PREX1: variants seen among roughly 807,000 people sequenced by gnomAD.
PREX1 encodes phosphatidylinositol 3,4,5-trisphosphate-dependent Rac exchanger 1 protein.
PREX1 carries 41 observed loss-of-function variants against 198.3 expected under a neutral mutation model. That is an observed-to-expected ratio of 0.21 (90% CI 0.16 to 0.27). PREX1 has a LOEUF of 0.27. PREX1 is among the 10% of genes least tolerant of loss of function. PREX1 has a pLI of 1.00. For synonymous variants in PREX1, 843 were observed against 887.2 expected (o/e 0.95, Z 0.89); for missense variants, 1,620 against 2,200.7 (o/e 0.74, Z 5.28).
At chr20:48,846,435 T>C in the PREX1 span, among the ~76,000 whole-genome samples, 1 of 152,104 alleles carries the variant, frequency 6.6e-6, no homozygotes, top group Non-Finnish European at 1.5e-5. Flanking sequence ...TATTAATAGA[T>C]GGGGATGTCC....
At chr20:48,747,145 TG>T (rs1001504692) in intron 2 of PREX1, among the ~76,000 whole-genome samples, 6 of 152,148 alleles carry the variant, frequency 3.9e-5, no homozygotes, top group African/African-American at 1.4e-4. Context: ...TCAGGGCGTT[TG>T]GGGGGAATGT....
At chr20:48,790,576 G>A (rs1287052405) in intron 1 of PREX1, among the ~76,000 whole-genome samples, 3 of 152,188 alleles carry the variant, frequency 2.0e-5, no homozygotes, top group Non-Finnish European at 4.4e-5. Flanking sequence ...TGCTCATTCT[G>A]CATGCTTCAG....
At chr20:48,652,095 T>G (rs556669548) in intron 21 of PREX1, among the ~76,000 whole-genome samples, 56 of 152,266 alleles carry the variant, frequency 3.7e-4, no homozygotes, top group African/African-American at 1.3e-3. Context: ...CTGCTGGGTT[T>G]GGGGCACTTT....
rs1330924940 is a variant in PREX1 at position 48,783,138 on chromosome 20, C to CA, written c.220-35259dup. ...ATTTGTGAAATGAAAAAGAAGGATA[C>CA]ATGCCTGATATGGTTGAATGAAGAC... On this transcript the variant is annotated intron_variant, in intron 1 of 39. Transcript: ENST00000371941. Among the ~76,000 whole-genome samples, 6 of 152,294 alleles carry CA rather than the reference C, an allele frequency of 3.9e-5. No individual in the cohort carries two copies. In the East Asian group the frequency reaches 1.2e-3, roughly 29 times the overall value.
chr20:48,634,089 T>G (rs1340834019), intron 33 of PREX1, among the ~76,000 whole-genome samples: 2 of 139,042 alleles, frequency 1.4e-5, no homozygotes, highest in African/African-American at 5.4e-5. Context: ...GATGGACGGA[T>G]GGATGGATGG....
At chr20:48,710,211 A>T (rs1040208757) in intron 5 of PREX1, among the ~76,000 whole-genome samples, 3 of 152,230 alleles carry the variant, frequency 2.0e-5, no homozygotes, top group African/African-American at 7.2e-5. Flanking sequence ...GAAGCAACAC[A>T]AAGGCAGGCA....
At chr20:48,783,111 T>A (rs2090297015) in intron 1 of PREX1, among the ~76,000 whole-genome samples, 1 of 152,178 alleles carries the variant, frequency 6.6e-6, no homozygotes, top group South Asian at 2.1e-4. Context: ...TTCAACATCC[T>A]CATTTGTGAA....
the PREX1 span, among the ~76,000 whole-genome samples, chr20:48,872,030 G>A: frequency 6.6e-6 from 1 of 151,946 alleles, no homozygotes; most frequent in African/African-American, 2.4e-5. Flanking sequence ...GTGGTGGCGG[G>A]CACCTGTAGT....
At chr20:48,714,159 T>C (rs1184321394) in intron 5 of PREX1, among the ~76,000 whole-genome samples, 1 of 152,142 alleles carries the variant, frequency 6.6e-6, no homozygotes, top group East Asian at 1.9e-4. Flanking sequence ...AGTAAACCCC[T>C]TGTGACCTTA....
intron 10 of PREX1, among the ~76,000 whole-genome samples, chr20:48,682,096 T>A (rs1438483779): frequency 6.6e-6 from 1 of 152,002 alleles, no homozygotes; most frequent in African/African-American, 2.4e-5. Flanking sequence ...CCCTGACTGA[T>A]CTCACCCCCA....
rs565111779 is a variant in PREX1, at chr20:48,658,192, C to T, written c.1918G>A (p.Glu640Lys). 18 of 1,614,200 alleles carry T rather than the reference C, an allele frequency of 1.1e-5. No homozygotes were observed. The South Asian group carries it at 1.6e-4, about 15-fold the overall frequency. ...PQEEDYGFDI[E>K]EKNKAVVVKS... Reference sequence around the variant, plus strand: ...ACCACCACAGCCTTGTTCTTCTCCTCGATGTCAAAGCCATAGTCCTCCTCC... The same window carrying T: ...ACCACCACAGCCTTGTTCTTCTCCTTGATGTCAAAGCCATAGTCCTCCTCC... Residue 640 changes from glutamate (E) to lysine (K), a missense_variant, in exon 17 of 40, where the codon GAG becomes AAG. This residue lies in a region of PREX1 where 488 missense variants were observed against 802.5 expected (regional missense o/e 0.61). Coordinates refer to ENST00000371941, the MANE Select transcript of PREX1 (RefSeq NM_020820.4).
intron 17 of PREX1, among the ~76,000 whole-genome samples, 183 bp from the exon 18 acceptor site, chr20:48,657,371 G>A (rs1006989430): frequency 2.0e-5 from 3 of 152,332 alleles, no homozygotes; most frequent in East Asian, 1.9e-4. Flanking sequence ...TCTGCCTCAT[G>A]AGCCACAAAG....
At chr20:48,806,046 G>C (rs1286556439) in intron 1 of PREX1, among the ~76,000 whole-genome samples, 1 of 152,208 alleles carries the variant, frequency 6.6e-6, no homozygotes, top group Non-Finnish European at 1.5e-5. Context: ...ATAAGGCTGT[G>C]CTAGGCACTG....
At chr20:48,874,487 G>C in the PREX1 span, among the ~76,000 whole-genome samples, 1 of 151,682 alleles carries the variant, frequency 6.6e-6, no homozygotes. Flanking sequence ...GCGGGAGTTT[G>C]GGAGACATGA....
At chr20:48,761,533 C>A (rs1052211476) in intron 1 of PREX1, among the ~76,000 whole-genome samples, 1 of 152,116 alleles carries the variant, frequency 6.6e-6, no homozygotes, top group African/African-American at 2.4e-5. Context: ...CACCCCGCCC[C>A]GTTCCCCACC....
chr20:48,771,090 G>A (rs377550900), intron 1 of PREX1, among the ~76,000 whole-genome samples: 31 of 152,090 alleles, frequency 2.0e-4, no homozygotes, highest in African/African-American at 7.2e-4. Flanking sequence ...TTCTGACAGT[G>A]CCCACTGTCA....
chr20:48,775,709 G>A (rs1351325536), intron 1 of PREX1, among the ~76,000 whole-genome samples: 4 of 152,156 alleles, frequency 2.6e-5, no homozygotes, highest in African/African-American at 9.7e-5. Flanking sequence ...GAGATCAGAT[G>A]GCTTTATAAG....
chr20:48,826,282 T>A (rs1255302513), intron 1 of PREX1, among the ~76,000 whole-genome samples: 1 of 152,036 alleles, frequency 6.6e-6, no homozygotes, highest in Admixed American at 6.5e-5. Context: ...GCAGGAGGCA[T>A]GGAGATTAAA....
At position 48,666,452 on chromosome 20, in the gene PREX1, C is replaced by A. The variant is rs1283290301; in HGVS notation, c.1666-97G>T. 2.0e-6 allele frequency: 2 copies of A among 992,482 alleles called. No individual in the cohort carries two copies. The highest frequency in any genetic ancestry group is 3.2e-5 in the African/African-American group (2 of 62,230). 61.5% of individuals were successfully genotyped at this position (992,482 alleles called of 1,614,324 possible). A position where few individuals can be genotyped will look rare whatever the true frequency, so the allele number is the denominator to read the frequency against. ...CCACAACCACCCAAGAAGGTAGGCT[C>A]CACGAGGGCCAGGGGTTGTCTGTTT... On this transcript the variant is annotated intron_variant, in intron 14 of 39. Transcript: ENST00000371941. This position sits in a 1 kb window ranked among gnomAD's most constrained non-coding sequence, Gnocchi z 4.3.
Sources: gnomAD v4.1 joint callset for allele counts (sites outside exome capture counted in the v4.1 genomes callset) on GRCh38, gnomAD v4.1.1 for gene constraint, gnomAD v4.1.1 regional missense constraint, Gnocchi (gnomAD v3.1) non-coding constraint, MANE v1.5 for transcripts, NCBI Gene and HGNC (gene_info 2026-07-23, HGNC 2026-07-21) for gene names.